The following FGF13 variants were observed in gnomAD, a reference collection of about 807,000 sequenced individuals.
FGF13 encodes the protein fibroblast growth factor homologous factor 2.
Under a neutral mutation model 19.5 loss-of-function variants are expected in FGF13, and 2 were observed. That is an observed-to-expected ratio of 0.10 (90% CI 0.04 to 0.32). The LOEUF is 0.32. FGF13 is among the 10% of genes least tolerant of loss of function. FGF13 has a pLI of 1.00. For synonymous variants in FGF13, 72 were observed against 76.9 expected (o/e 0.94, Z 0.33); for missense variants, 113 against 192.7 (o/e 0.59, Z 2.45).
intron 3 of FGF13, among the ~76,000 whole-genome samples, chrX:138,810,602 A>C (rs1046714212): frequency 7.1e-5 from 8 of 112,279 alleles, no homozygotes; most frequent in Non-Finnish European, 3.8e-5. Context: ...ATGGGATCTA[A>C]TGAAACTAAA....
intron 1 of FGF13, among the ~76,000 whole-genome samples, chrX:138,956,649 T>C (rs771240698): frequency 5.5e-4 from 61 of 111,387 alleles, no homozygotes; most frequent in Non-Finnish European, 9.8e-4. Flanking sequence ...GCTTTCAAAC[T>C]GTGTTCCTCA....
rs146018284 is a variant in FGF13 at position 139,168,768 on chromosome X, C to T, written c.-113+34648G>A. Among the ~76,000 whole-genome samples, 452 of 111,852 alleles carry T rather than the reference C, an allele frequency of 4.0e-3. 1 individual carries two copies. The highest frequency in any genetic ancestry group is 5.9e-3 in the Non-Finnish European group (316 of 53,166). On this transcript the variant is annotated intron_variant, in intron 1 of 2. Coordinates refer to the FGF13 transcript ENST00000421460. The stretch of plus-strand genomic sequence containing the variant: ...GTACCCCCTGGATTATTCACCATAG[C>T]ATCCAATTTTGTATCTGAAATACAT...
intron 2 of FGF13, among the ~76,000 whole-genome samples, chrX:138,704,150 A>T (rs1281449135): frequency 8.9e-6 from 1 of 112,063 alleles, no homozygotes; most frequent in Non-Finnish European, 1.9e-5. Context: ...TTATTTTATT[A>T]TTATTATTTT....
At chrX:139,027,916 C>CAAAA (rs68136332) in intron 1 of FGF13, among the ~76,000 whole-genome samples, 12 of 110,066 alleles carry the variant, frequency 1.1e-4, no homozygotes, top group African/African-American at 3.3e-4. Context: ...CAAAGTGTCA[C>CAAAA]AAGTATACAC....
intron 3 of FGF13, among the ~76,000 whole-genome samples, chrX:138,694,181 G>A (rs1188392171): frequency 7.2e-5 from 8 of 111,229 alleles, no homozygotes; most frequent in Non-Finnish European, 1.3e-4. Flanking sequence ...AAACAAATCA[G>A]CAAAAGTGTA....
At chrX:138,731,047 C>T (rs2090226571) in intron 1 of FGF13, among the ~76,000 whole-genome samples, 1 of 111,185 alleles carries the variant, frequency 9.0e-6, no homozygotes, top group African/African-American at 3.3e-5. Context: ...TGTGTACCTA[C>T]TAACAAAGGC....
chrX:138,759,614 C>T (rs779298076), intron 3 of FGF13, among the ~76,000 whole-genome samples: 1 of 112,031 alleles, frequency 8.9e-6, no homozygotes, highest in Non-Finnish European at 1.9e-5. Flanking sequence ...TACTCTGTAG[C>T]TGAAGTCTGG....
At chrX:138,780,749 A>C (rs2090634201) in intron 3 of FGF13, among the ~76,000 whole-genome samples, 1 of 110,551 alleles carries the variant, frequency 9.0e-6, no homozygotes, top group Non-Finnish European at 1.9e-5. Flanking sequence ...AACATTAGAC[A>C]GATCCACGAG....
At chrX:139,035,512 C>T (rs988395609) in intron 1 of FGF13, among the ~76,000 whole-genome samples, 16 of 111,313 alleles carry the variant, frequency 1.4e-4, no homozygotes, top group Admixed American at 7.6e-4. Context: ...TACTCATAAG[C>T]GTAAAAACAC....
chrX:139,020,927 G>GA (rs2092175350), intron 1 of FGF13, among the ~76,000 whole-genome samples: 1 of 110,773 alleles, frequency 9.0e-6, no homozygotes, highest in African/African-American at 3.3e-5. Context: ...TATTGAATTG[G>GA]ATAATAACCT....
intron 1 of FGF13, among the ~76,000 whole-genome samples, chrX:138,934,546 G>C (rs2091721617): frequency 1.8e-5 from 2 of 112,640 alleles, no homozygotes; most frequent in African/African-American, 6.5e-5. Context: ...ATGGGAACTT[G>C]TATTTTATTT....
At chrX:139,204,202 C>A, upstream of FGF13, 1 of 802,061 alleles carries the variant, frequency 1.2e-6, no homozygotes, top group Non-Finnish European at 1.9e-6. Flanking sequence ...CAAGTCTCGA[C>A]CACGAGCTCC....
At chrX:138,796,650 G>A (rs1209890018) in intron 3 of FGF13, among the ~76,000 whole-genome samples, 1 of 111,932 alleles carries the variant, frequency 8.9e-6, no homozygotes, top group Non-Finnish European at 1.9e-5. Context: ...TGGCCACACT[G>A]TCTTCCACAA....
At chrX:139,159,655 C>CAAAAAAAAAAAA (rs550001786) in intron 1 of FGF13, among the ~76,000 whole-genome samples, 4 of 51,661 alleles carry the variant, frequency 7.7e-5, no homozygotes, top group African/African-American at 1.5e-4. Flanking sequence ...AAAGAGAAAG[C>CAAAAAAAAAAAA]AAAAAAAAAA....
chrX:138,953,213 T>C (rs1347278296), intron 1 of FGF13, among the ~76,000 whole-genome samples: 2 of 110,230 alleles, frequency 1.8e-5, no homozygotes, highest in Non-Finnish European at 1.9e-5. Flanking sequence ...ATTAAGAAAA[T>C]GTGGCACATA....
intron 1 of FGF13, among the ~76,000 whole-genome samples, chrX:139,185,088 C>A (rs752296012): frequency 2.7e-5 from 3 of 112,247 alleles, no homozygotes; most frequent in Non-Finnish European, 3.8e-5. Flanking sequence ...TCAGACCCAA[C>A]AATGCAGAAT....
At chrX:139,017,992 A>G (rs755581860) in intron 1 of FGF13, among the ~76,000 whole-genome samples, 50 of 111,830 alleles carry the variant, frequency 4.5e-4, no homozygotes, top group Non-Finnish European at 7.9e-4. Context: ...TGTTGTTGGG[A>G]GTAATTCTAG....
chrX:138,788,921 G>A (rs927647239), intron 3 of FGF13, among the ~76,000 whole-genome samples: 6 of 111,657 alleles, frequency 5.4e-5, no homozygotes, highest in Admixed American at 1.9e-4. Flanking sequence ...GAACCAAACT[G>A]CTCATTCAAC....
At chrX:138,796,046 T>C in intron 3 of FGF13, among the ~76,000 whole-genome samples, 1 of 111,208 alleles carries the variant, frequency 9.0e-6, no homozygotes, top group Non-Finnish European at 1.9e-5. Context: ...TAGTAAGTTT[T>C]GTGTCTTTCT....
Sources: gnomAD v4.1 joint callset for allele counts (sites outside exome capture counted in the v4.1 genomes callset) on GRCh38, gnomAD v4.1.1 for gene constraint, MANE v1.5 for transcripts, NCBI Gene and HGNC (gene_info 2026-07-23, HGNC 2026-07-21) for gene names.